MAPT: variants seen among roughly 807,000 people sequenced by gnomAD.
MAPT encodes the protein microtubule-associated protein tau.
A neutral mutation model predicts 67.9 loss-of-function variants in MAPT; 34 were observed. That is an observed-to-expected ratio of 0.50 (90% CI 0.38 to 0.67). The LOEUF is 0.67. MAPT is among the 30% of genes least tolerant of loss of function. The probability of loss-of-function intolerance (pLI) is 0.00; values close to 1 mark genes in which losing one functional copy is unlikely to be tolerated. For missense variants in MAPT, 881 were observed against 1,115.2 expected (o/e 0.79, Z 2.99); for synonymous variants, 456 against 464.5 (o/e 0.98, Z 0.23).
Position 46,010,182 on chromosome 17 carries a change from G to A in MAPT, c.1999-128G>A. 1 of 724,462 alleles carries A rather than the reference G, an allele frequency of 1.4e-6. No homozygotes were observed. The highest frequency in any genetic ancestry group is 2.5e-6 in the Non-Finnish European group (1 of 396,018). The allele number at this position is 724,462 out of a possible 1,614,324, so 44.9% of individuals were successfully genotyped here. On this transcript the variant is annotated intron_variant, in intron 9 of 12. Transcript: ENST00000262410. The surrounding 1 kb of genome is among the most constrained non-coding windows in gnomAD (Gnocchi z 4.7). ...GCCTCTGCCAAGTCCGAAAGTGGAGGCATCCTTGCGAGCAAGTAGGCGGGT... is the reference window on the plus strand; with the variant it reads ...GCCTCTGCCAAGTCCGAAAGTGGAGACATCCTTGCGAGCAAGTAGGCGGGT...
At chr17:45,970,087 T>TCCATCCATCTATCCAC (rs2071504140) in intron 2 of MAPT, among the ~76,000 whole-genome samples, 3 of 111,258 alleles carry the variant, frequency 2.7e-5, no homozygotes, top group African/African-American at 8.1e-5. Context: ...TATCCACCCA[T>TCCATCCATCTATCCAC]CCATCCATCC....
intron 1 of MAPT, among the ~76,000 whole-genome samples, chr17:45,916,632 C>T (rs2065230020): frequency 6.6e-6 from 1 of 152,192 alleles, no homozygotes; most frequent in Non-Finnish European, 1.5e-5. Context: ...AGTGGAGTTG[C>T]CCACTTTCCC....
chr17:45,983,689 G>A lies in MAPT; in HGVS notation c.1110G>A (p.Gln370=), dbSNP rs1270818503. ...CCAGTGTAGGGCGGGCCAAAGGGCA[G>A]GATGCCCCCCTGGAGTTCACGTTTC... The part of the protein sequence containing the change: ...DGPSVGRAKG[Q]DAPLEFTFHV... The change falls in exon 5 of 13, where the codon CAG becomes CAA. Residue 370 remains glutamine, a synonymous_variant. Transcript: ENST00000262410. 1 of 1,614,130 alleles carries A rather than the reference G, an allele frequency of 6.2e-7. No individual in the cohort carries two copies. Among genetic ancestry groups the A allele is most frequent in the Admixed American group, 1.7e-5 (1 of 60,026 alleles).
Position 46,018,606 on chromosome 17 carries a change from GT to G in MAPT, c.2174-10del. 1 of 1,567,996 alleles carries G rather than the reference GT, an allele frequency of 6.4e-7. No homozygotes were observed. Among genetic ancestry groups the G allele is most frequent in the Non-Finnish European group, 8.8e-7 (1 of 1,138,052 alleles). ...ATGATGGCAAGATGCTCTTGTGTGT[GT>G]TGTGTTCTAGGAGGTGGCCAGGTGG... is the stretch of plus-strand genomic sequence containing the variant. On this transcript the variant is annotated splice_polypyrimidine_tract_variant and intron_variant, in intron 11 of 12. Transcript: ENST00000262410.
At chr17:46,017,152 C>A (rs2076233491) in intron 11 of MAPT, among the ~76,000 whole-genome samples, 1 of 152,212 alleles carries the variant, frequency 6.6e-6, no homozygotes, top group South Asian at 2.1e-4. Context: ...GCCACCACCC[C>A]AGCTGTGAGA....
intron 1 of MAPT, among the ~76,000 whole-genome samples, chr17:45,921,432 C>G (rs1473253936): frequency 6.6e-6 from 1 of 152,172 alleles, no homozygotes; most frequent in East Asian, 1.9e-4. Context: ...GAAGCCGCAG[C>G]CCCTCCTTGC....
intron 1 of MAPT, among the ~76,000 whole-genome samples, chr17:45,959,262 AC>A (rs1254857111): frequency 6.6e-6 from 1 of 152,164 alleles, no homozygotes; most frequent in Non-Finnish European, 1.5e-5. Flanking sequence ...ACTTGTTACA[AC>A]CAATGAATCC....
At chr17:45,946,320 G>T (rs2068472006) in intron 1 of MAPT, among the ~76,000 whole-genome samples, 1 of 151,930 alleles carries the variant, frequency 6.6e-6, no homozygotes, top group Admixed American at 6.6e-5. Flanking sequence ...AACAGTATTG[G>T]GCCAGGCACG....
At chr17:46,012,465 C>A (rs2075882386) in intron 10 of MAPT, among the ~76,000 whole-genome samples, 1 of 152,150 alleles carries the variant, frequency 6.6e-6, no homozygotes. Context: ...CCTCTGAGCA[C>A]CTTCACAGGA....
At chr17:45,930,094 A>C (rs1196609894) in intron 1 of MAPT, among the ~76,000 whole-genome samples, 1 of 152,136 alleles carries the variant, frequency 6.6e-6, no homozygotes, top group Non-Finnish European at 1.5e-5. Flanking sequence ...AGAATATTTT[A>C]TGTTGTTACT....
rs2063268643 is a variant in MAPT at position 45,896,765 on chromosome 17, TTAAA to T, written c.-18+2085_-18+2088del. On this transcript the variant is annotated intron_variant, in intron 1 of 12. Transcript: ENST00000262410. The surrounding 1 kb of genome is among the most constrained non-coding windows in gnomAD (Gnocchi z 5.6). ...TCCGTACTGATTAATATTATTTATC[TTAAA>T]TAAATTTCACCCGTGTCCAAGTTCA... The T allele has an allele frequency of 6.6e-6, 1 of 152,282 alleles. No individual in the cohort carries two copies. Among genetic ancestry groups the T allele is most frequent in the African/African-American group, 2.4e-5 (1 of 41,452 alleles). The allele number at this position is 152,282 out of a possible 1,614,324, so 9.4% of individuals were successfully genotyped here. A position where few individuals can be genotyped will look rare whatever the true frequency, so the allele number is the denominator to read the frequency against.
intron 1 of MAPT, among the ~76,000 whole-genome samples, chr17:45,955,208 C>T (rs1305682645): frequency 2.0e-5 from 3 of 152,132 alleles, no homozygotes; most frequent in Non-Finnish European, 4.4e-5. Flanking sequence ...GACTGTGTGA[C>T]CCCCATCCCC....
intron 1 of MAPT, among the ~76,000 whole-genome samples, chr17:45,922,687 T>C (rs1487353249): frequency 6.6e-6 from 1 of 152,108 alleles, no homozygotes; most frequent in Non-Finnish European, 1.5e-5. Context: ...TGACTCAGGG[T>C]TTTCACTGAG....
chr17:45,995,221 C>T lies in MAPT; in HGVS notation c.1733-1178C>T, dbSNP rs1481303341. ...TGGGGCAGCGGCAGGGGCATTGCTG[C>T]GGGAAGCTTCTGGACTTGCAGGAAA... On this transcript the variant is annotated intron_variant, in intron 8 of 12. Coordinates refer to ENST00000262410, the MANE Select transcript of MAPT (RefSeq NM_001377265.1). This position sits in a 1 kb window ranked among gnomAD's most constrained non-coding sequence, Gnocchi z 4.3. Among the ~76,000 whole-genome samples the T allele has an allele frequency of 6.6e-6, 1 of 152,172 alleles. No individual in the cohort carries two copies. Among genetic ancestry groups the T allele is most frequent in the Non-Finnish European group, 1.5e-5 (1 of 68,030 alleles).
At chr17:46,018,769 A>G (rs889781278) in intron 12 of MAPT, 39 bp downstream of exon 12, 2 of 1,368,130 alleles carry the variant, frequency 1.5e-6, no homozygotes, top group Non-Finnish European at 1.0e-6. Context: ...GCCCTTGGGT[A>G]TATGGGCATT....
intron 3 of MAPT, chr17:45,974,043 T>A (rs34619181): frequency 0.78 from 277,712 of 356,020 alleles, 108,953 homozygotes; most frequent in Admixed American, 0.81. Flanking sequence ...TTAAGGATCA[T>A]ATAGTTGTAA....
intron 12 of MAPT, among the ~76,000 whole-genome samples, chr17:46,023,499 T>C (rs1432908608): frequency 6.6e-6 from 1 of 152,040 alleles, no homozygotes; most frequent in Non-Finnish European, 1.5e-5. Flanking sequence ...GGGAGGCAGG[T>C]CAGGGAAGGA....
chr17:46,017,262 G>T (rs914706203), intron 11 of MAPT, among the ~76,000 whole-genome samples: 1 of 152,096 alleles, frequency 6.6e-6, no homozygotes, highest in African/African-American at 2.4e-5. Context: ...CAAGCGTCAG[G>T]AGGGAGAAAG....
intron 8 of MAPT, among the ~76,000 whole-genome samples, chr17:45,993,363 C>A (rs1226223655): frequency 1.3e-5 from 2 of 152,048 alleles, no homozygotes; most frequent in South Asian, 4.1e-4. Context: ...GCGTTTGGAT[C>A]CTGCTGTTTT....
Sources: allele counts gnomAD v4.1 joint callset (sites outside exome capture counted in the v4.1 genomes callset), GRCh38; gene constraint gnomAD v4.1.1; non-coding constraint Gnocchi (gnomAD v3.1); transcripts MANE v1.5; gene names NCBI Gene and HGNC (gene_info 2026-07-23, HGNC 2026-07-21).